Variants in IWS1 observed in about 807,000 individuals in gnomAD.
IWS1 encodes interacts with SUPT6H, CTD assembly factor 1, also known as protein IWS1 homolog.
IWS1 carries 27 observed loss-of-function variants against 86.7 expected under a neutral mutation model. That is an observed-to-expected ratio of 0.31 (90% CI 0.23 to 0.43). The LOEUF is 0.43. Ranked by LOEUF, IWS1 falls within the 20% of genes least tolerant of loss-of-function variation. The pLI, the probability that IWS1 is intolerant of heterozygous loss-of-function variation, is 1.00. For synonymous variants in IWS1, 313 were observed against 335.1 expected (o/e 0.93, Z 0.72); for missense variants, 827 against 1,000.8 (o/e 0.83, Z 2.34).
intron 2 of IWS1, among the ~76,000 whole-genome samples, chr2:127,518,450 G>A (rs1691896253): frequency 6.6e-6 from 1 of 152,034 alleles, no homozygotes; most frequent in African/African-American, 2.4e-5. Context: ...GGAGGTTGAG[G>A]CTGCAGTGAG....
At chr2:127,486,205 GCT>G (rs1211573609) in intron 13 of IWS1, among the ~76,000 whole-genome samples, 5 of 152,022 alleles carry the variant, frequency 3.3e-5, no homozygotes, top group Non-Finnish European at 5.9e-5. Flanking sequence ...AAGCACGTAA[GCT>G]CTGTTTCTCA....
At chr2:127,503,237 T>G (rs1157096556) in intron 4 of IWS1, 150 bp downstream of exon 4, 1 of 569,232 alleles carries the variant, frequency 1.8e-6, no homozygotes, top group Non-Finnish European at 3.1e-6. Flanking sequence ...ATTCTGAGAT[T>G]CACCCACATT....
At chr2:127,490,810 A>C (rs1057204042) in intron 10 of IWS1, 1 of 152,246 alleles carries the variant, frequency 6.6e-6, no homozygotes, top group Non-Finnish European at 1.5e-5. Context: ...CTTAACAGGC[A>C]GTAAGCTGCA....
chr2:127,508,204 T>C (rs959986590), intron 2 of IWS1, among the ~76,000 whole-genome samples: 1 of 152,210 alleles, frequency 6.6e-6, no homozygotes, highest in South Asian at 2.1e-4. Context: ...AGGCGGAGTA[T>C]GTCACAGGGC....
At chr2:127,485,260 C>A (rs571354400) in intron 13 of IWS1, among the ~76,000 whole-genome samples, 5 of 152,214 alleles carry the variant, frequency 3.3e-5, no homozygotes, top group African/African-American at 1.2e-4. Flanking sequence ...GAAACAGCTG[C>A]CAAAGCAGGG....
rs1453092352 is a variant in IWS1, at chr2:127,505,730, T to G, written c.173A>C (p.Asp58Ala). 13 of 1,550,638 alleles carry G rather than the reference T, an allele frequency of 8.4e-6. No homozygotes were observed. The highest frequency in any genetic ancestry group is 1.4e-5 in the African/African-American group (1 of 71,984). ...HSENETSDREDGLPKGHHVTD... is the reference protein window; with the variant it reads ...HSENETSDREAGLPKGHHVTD... ...CACATGATGTCCTTTGGGGAGGCCA[T>G]CTTCTCGATCACTAGTTTCATTCTG... is the stretch of plus-strand genomic sequence containing the variant. Residue 58 changes from aspartate to alanine, a missense_variant, in exon 3 of 14, where the codon GAT (aspartate) becomes GCT (alanine). By Grantham distance (126) the Asp-to-Ala change is moderately radical. Around this residue, in one of 2 missense-constraint regions of IWS1, gnomAD observed 548 missense variants for 560.2 expected, o/e 0.98. Transcript: ENST00000295321. The surrounding 1 kb of genome is among the most constrained non-coding windows in gnomAD (Gnocchi z 5.0).
chr2:127,501,723 C>T (rs1690825325), intron 5 of IWS1: 1 of 150,406 alleles, frequency 6.6e-6, no homozygotes, highest in Non-Finnish European at 1.5e-5. Context: ...CCCCCTCCCA[C>T]CCCATTTTTC....
chr2:127,511,572 C>G (rs915019438), intron 2 of IWS1, among the ~76,000 whole-genome samples: 1 of 152,152 alleles, frequency 6.6e-6, no homozygotes, highest in African/African-American at 2.4e-5. Flanking sequence ...TGTACGCTCA[C>G]ACTTCACTGA....
chr2:127,503,342 G>T, intron 4 of IWS1, 45 bp downstream of exon 4: 2 of 1,435,350 alleles, frequency 1.4e-6, no homozygotes, highest in Non-Finnish European at 1.9e-6. Context: ...CCTCTCTACT[G>T]CCTAATTAAG....
rs760417114 is a variant in IWS1, at chr2:127,505,010, C to T, written c.893G>A (p.Arg298Gln). The stretch of plus-strand genomic sequence containing the variant: ...CCCCTCACTCTCAGAGTCACTGACT[C>T]GGGGTTTGGGTAGCTCCTCATTTTC... ...DSENEELPKP[R>Q]VSDSESEGPQ... is the part of the protein sequence containing the mutation. The change falls in exon 3 of 14, where the codon CGA (arginine) becomes CAA (glutamine). Residue 298 changes from arginine to glutamine, a missense_variant. Arg to Gln is a conservative substitution (Grantham distance 43). Transcript: ENST00000295321. The surrounding 1 kb of genome is among the most constrained non-coding windows in gnomAD (Gnocchi z 5.0). The T allele has an allele frequency of 1.4e-5, 23 of 1,613,060 alleles. No homozygotes were observed. Among genetic ancestry groups the T allele is most frequent in the East Asian group, 4.5e-5 (2 of 44,844 alleles).
At chr2:127,518,355 T>C (rs1006893369) in intron 2 of IWS1, among the ~76,000 whole-genome samples, 3 of 151,960 alleles carry the variant, frequency 2.0e-5, no homozygotes, top group Non-Finnish European at 4.4e-5. Flanking sequence ...ATTGCTACTA[T>C]AAATACAAAA....
In IWS1 at chr2:127,505,785, T is replaced by G. The variant is rs757994956; in HGVS notation, c.151-33A>C. On this transcript the variant is annotated intron_variant, in intron 2 of 13. Coordinates refer to ENST00000295321, the MANE Select transcript of IWS1 (RefSeq NM_017969.3). The surrounding 1 kb of genome is among the most constrained non-coding windows in gnomAD (Gnocchi z 5.0). ...ATAAAGTGAGAAAAAATTAGGAAAG[T>G]GCAAAAAAAAAAAAACCATTAATAA... The G allele has an allele frequency of 1.4e-5, 17 of 1,248,226 alleles. No homozygotes were observed. Among genetic ancestry groups the G allele is most frequent in the South Asian group, 3.2e-5 (2 of 61,584 alleles). The allele number at this position is 1,248,226 out of a possible 1,614,324, so 77.3% of individuals were successfully genotyped here.
chr2:127,505,646 T>G lies in IWS1; in HGVS notation c.257A>C (p.Glu86Ala). The G allele has an allele frequency of 1.2e-6, 2 of 1,613,942 alleles. No individual in the cohort carries two copies. Among genetic ancestry groups the G allele is most frequent in the Non-Finnish European group, 1.7e-6 (2 of 1,179,936 alleles). ...GTCGCTGTCCTTTTGCCTGTGAAGC[T>G]CCTCACTTTCAGAGTCACTAGCATT... The part of the protein sequence containing the change: ...NLNASDSESE[E>A]LHRQKDSDSE... Residue 86 changes from glutamate (E) to alanine (A), a missense_variant, in exon 3 of 14, where the codon GAG (glutamate) becomes GCG (alanine). By Grantham distance (107) the Glu-to-Ala change is moderately radical. Transcript: ENST00000295321. The surrounding 1 kb of genome is among the most constrained non-coding windows in gnomAD (Gnocchi z 5.0).
rs143382489 is a variant in IWS1, at chr2:127,498,648, A to G, written c.1468-411T>C. 10 of 155,482 alleles carry G rather than the reference A, an allele frequency of 6.4e-5. No individual in the cohort carries two copies. The East Asian group carries it at 1.7e-3, about 26-fold the overall frequency. The allele number at this position is 155,482 out of a possible 1,614,324, so 9.6% of individuals were successfully genotyped here. Reference sequence around the variant, plus strand: ...CCACAATTTGTTTACTTATTTGCCTAGTCACATTTAGTTTTATGTATATGA... The same window carrying G: ...CCACAATTTGTTTACTTATTTGCCTGGTCACATTTAGTTTTATGTATATGA... On this transcript the variant is annotated intron_variant, in intron 5 of 13. Coordinates refer to ENST00000295321, the MANE Select transcript of IWS1 (RefSeq NM_017969.3).
intron 2 of IWS1, among the ~76,000 whole-genome samples, chr2:127,518,025 A>C (rs1277253424): frequency 6.6e-6 from 1 of 152,230 alleles, no homozygotes; most frequent in Non-Finnish European, 1.5e-5. Flanking sequence ...TATGAGACAG[A>C]AAGTATATCA....
chr2:127,523,603 TAACTCCTATAATATAACA>T, intron 2 of IWS1, 55 bp downstream of exon 2: 1 of 946,860 alleles, frequency 1.1e-6, no homozygotes, highest in East Asian at 2.4e-5. Flanking sequence ...AGAGATTCTG[TAACTCCTATAATATAACA>T]GATCTCACAG....
rs1690120800 is a variant in IWS1 at position 127,489,685 on chromosome 2, TA to T, written c.2159+146del. 1 of 652,278 alleles carries T rather than the reference TA, an allele frequency of 1.5e-6. No homozygotes were observed. 40.4% of individuals were successfully genotyped at this position (652,278 alleles called of 1,614,324 possible). A position where few individuals can be genotyped will look rare whatever the true frequency, so the allele number is the denominator to read the frequency against. On this transcript the variant is annotated intron_variant, in intron 11 of 13. Coordinates refer to ENST00000295321, the MANE Select transcript of IWS1 (RefSeq NM_017969.3). The surrounding 1 kb of genome is among the most constrained non-coding windows in gnomAD (Gnocchi z 4.8). The stretch of plus-strand genomic sequence containing the variant: ...TCACTATACACTATCACATTTAAAC[TA>T]AAAGGATATTATGAATTATGTACAC...
rs1441221644 is a variant in IWS1, at chr2:127,504,868, C to T, written c.1035G>A (p.Gln345=). The stretch of plus-strand genomic sequence containing the variant: ...GGCTGTCTGAATGGAAGGAGTCATT[C>T]TGCATTTCTGTATCCTCTCCCTTAT... ...RENKGEDTEM[Q]NDSFHSDSHM... is the part of the protein sequence containing the mutation. Residue 345 remains glutamine (Q), a synonymous_variant, in exon 3 of 14, where the codon CAG becomes CAA. Coordinates refer to ENST00000295321, the MANE Select transcript of IWS1 (RefSeq NM_017969.3). 7 of 1,614,018 alleles carry T rather than the reference C, an allele frequency of 4.3e-6. No homozygotes were observed. The African/African-American group carries it at 8.0e-5, about 18-fold the overall frequency.
intron 12 of IWS1, chr2:127,488,201 G>C (rs2104659257): frequency 6.6e-6 from 1 of 152,352 alleles, no homozygotes; most frequent in East Asian, 1.9e-4. Context: ...TTTCAAAATT[G>C]TTTAGTTCGT....
Sources: allele counts gnomAD v4.1 joint callset (sites outside exome capture counted in the v4.1 genomes callset), GRCh38; gene constraint gnomAD v4.1.1; regional missense constraint gnomAD v4.1.1; non-coding constraint Gnocchi (gnomAD v3.1); transcripts MANE v1.5; gene names NCBI Gene and HGNC (gene_info 2026-07-23, HGNC 2026-07-21).